Variants in VCF1 observed in about 807,000 individuals in gnomAD.
The protein encoded by VCF1 is protein VCF1.
At chr17:73,209,528 A>G in the VCF1 span, 1 of 1,579,844 alleles carries the variant, frequency 6.3e-7, no homozygotes, top group Non-Finnish European at 8.6e-7. Flanking sequence ...CTGCCGGCAC[A>G]TCATGTCAGA....
At chr17:73,207,564 C>A in the VCF1 span, 21 of 694,126 alleles carry the variant, frequency 3.0e-5, no homozygotes, top group Middle Eastern at 2.8e-4. Context: ...CCGGCACTAT[C>A]ATTGTACTTG....
the VCF1 span, among the ~76,000 whole-genome samples, chr17:73,220,444 T>A: frequency 2.0e-5 from 3 of 151,502 alleles, no homozygotes; most frequent in African/African-American, 7.3e-5. Flanking sequence ...AGCCACTTCT[T>A]TTTTTTGTTT....
the VCF1 span, among the ~76,000 whole-genome samples, chr17:73,230,149 T>C: frequency 2.0e-5 from 3 of 151,944 alleles, no homozygotes; most frequent in East Asian, 5.8e-4. Context: ...ATACACAGAT[T>C]AGCTGGGTGT....
chr17:73,220,042 C>T, the VCF1 span, among the ~76,000 whole-genome samples: 1 of 151,260 alleles, frequency 6.6e-6, no homozygotes, highest in Non-Finnish European at 1.5e-5. Flanking sequence ...GTTCTAAACA[C>T]ACAATCCTAA....
At chr17:73,211,643 C>T in the VCF1 span, among the ~76,000 whole-genome samples, 1 of 151,242 alleles carries the variant, frequency 6.6e-6, no homozygotes, top group African/African-American at 2.4e-5. Flanking sequence ...AGGTGGATCA[C>T]GAGGTCAAGA....
At chr17:73,211,069 G>C in the VCF1 span, among the ~76,000 whole-genome samples, 4 of 152,144 alleles carry the variant, frequency 2.6e-5, no homozygotes, top group African/African-American at 9.7e-5. Flanking sequence ...TTAAAACTTA[G>C]CCGTTTAATA....
the VCF1 span, chr17:73,207,782 A>C: frequency 1.6e-6 from 2 of 1,289,034 alleles, no homozygotes; most frequent in Non-Finnish European, 2.0e-6. Flanking sequence ...TTGAAAGCTC[A>C]AACAGCTTGT....
the VCF1 span, among the ~76,000 whole-genome samples, chr17:73,216,671 CAGA>C: frequency 2.0e-5 from 3 of 152,104 alleles, no homozygotes; most frequent in Admixed American, 6.5e-5. Context: ...AGCAAAAAGG[CAGA>C]AGGACACACT....
At chr17:73,207,555 C>T in the VCF1 span, 13 of 647,744 alleles carry the variant, frequency 2.0e-5, no homozygotes, top group African/African-American at 1.1e-4. Context: ...ACTGCCAACC[C>T]GGCACTATCA....
the VCF1 span, chr17:73,229,229 A>C: frequency 1.0e-6 from 1 of 985,466 alleles, no homozygotes; most frequent in Admixed American, 6.1e-5. Context: ...ATTAAGAAAG[A>C]GTCCTACCTG....
the VCF1 span, among the ~76,000 whole-genome samples, chr17:73,219,668 A>G: frequency 5.0e-5 from 2 of 40,008 alleles, no homozygotes; most frequent in South Asian, 1.5e-3. Context: ...AAGAAAAAAG[A>G]AAAAAAAATG....
the VCF1 span, among the ~76,000 whole-genome samples, chr17:73,222,832 A>G: frequency 6.6e-6 from 1 of 151,952 alleles, no homozygotes; most frequent in South Asian, 2.1e-4. Context: ...GCTCCTGGAT[A>G]TATTTAGCAA....
At chr17:73,229,912 G>T in the VCF1 span, among the ~76,000 whole-genome samples, 2 of 148,556 alleles carry the variant, frequency 1.3e-5, no homozygotes, top group African/African-American at 2.5e-5. Context: ...GAAACTAGTG[G>T]TTTTCAAACT....
At chr17:73,224,885 CACAGGACAGGACAGG>C in the VCF1 span, among the ~76,000 whole-genome samples, 20 of 125,250 alleles carry the variant, frequency 1.6e-4, no homozygotes, top group East Asian at 1.4e-3. Flanking sequence ...GACAGCACAG[CACAGGACAGGACAGG>C]ACAGGACAGG....
the VCF1 span, among the ~76,000 whole-genome samples, chr17:73,219,191 CAAAAA>C: frequency 2.4e-5 from 1 of 41,856 alleles, no homozygotes; most frequent in Non-Finnish European, 4.4e-5. Flanking sequence ...AACTCCGTCT[CAAAAA>C]AAAAAAAAAA....
the VCF1 span, among the ~76,000 whole-genome samples, chr17:73,224,835 C>CACGGG: frequency 7.6e-6 from 1 of 130,972 alleles, no homozygotes; most frequent in Non-Finnish European, 1.6e-5. Flanking sequence ...CACAGCACAG[C>CACGGG]ACAGCACAGG....
the VCF1 span, among the ~76,000 whole-genome samples, chr17:73,231,163 G>A: frequency 3.9e-5 from 6 of 152,180 alleles, no homozygotes; most frequent in Non-Finnish European, 7.4e-5. Context: ...GGAACCCTAG[G>A]TTTTCACTAT....
chr17:73,208,995 GGA>G, the VCF1 span: 3 of 219,564 alleles, frequency 1.4e-5, no homozygotes, highest in Non-Finnish European at 9.2e-6. Context: ...CTGTTACACA[GGA>G]GAGAGTACTT....
the VCF1 span, among the ~76,000 whole-genome samples, chr17:73,231,462 A>G: frequency 1.3e-5 from 2 of 152,086 alleles, no homozygotes; most frequent in African/African-American, 4.8e-5. Context: ...TCGCGATAAA[A>G]TCTTTCCTCC....
Sources: allele counts gnomAD v4.1 joint callset (sites outside exome capture counted in the v4.1 genomes callset), GRCh38; gene constraint gnomAD v4.1.1; transcripts MANE v1.5; gene names NCBI Gene and HGNC (gene_info 2026-07-23, HGNC 2026-07-21).